The following ATP13A4 variants were observed in gnomAD, a reference collection of about 807,000 sequenced individuals.
ATP13A4 encodes probable cation-transporting ATPase 13A4.
In ATP13A4, 114 loss-of-function variants were observed where a neutral mutation model predicts 142.5. That is an observed-to-expected ratio of 0.80 (90% CI 0.69 to 0.93). The LOEUF is 0.93. Ranked by LOEUF, ATP13A4 falls within the 40% of genes least tolerant of loss-of-function variation. The probability of loss-of-function intolerance (pLI) is 0.00; values close to 1 mark genes in which losing one functional copy is unlikely to be tolerated. For synonymous variants in ATP13A4, 488 were observed against 514.8 expected, an observed-to-expected ratio of 0.95 and a Z score of 0.70; for missense variants, 1,392 against 1,454.0, an observed-to-expected ratio of 0.96 and a Z score of 0.69.
chr3:193,575,297 A>T (rs1724368098), intron 2 of ATP13A4, among the ~76,000 whole-genome samples: 1 of 152,224 alleles, frequency 6.6e-6, no homozygotes, highest in South Asian at 2.1e-4. Context: ...TTTAACTATC[A>T]TCATAGAAGT....
Position 193,406,331 on chromosome 3 carries a change from C to T in ATP13A4, c.3378+982G>A, listed in dbSNP as rs77772327. Reference sequence around the variant, plus strand: ...AGAGCTCATTGAGGTCCTGCCTACACAATACTGCAGGGAAGTCAGGCTGTA... The same window carrying T: ...AGAGCTCATTGAGGTCCTGCCTACATAATACTGCAGGGAAGTCAGGCTGTA... On this transcript the variant is annotated intron_variant, in intron 29 of 29. Transcript: ENST00000342695. 5.8e-3 allele frequency among the ~76,000 whole-genome samples: 886 copies of T among 152,280 alleles called. 14 individuals are homozygous for T. The highest frequency in any genetic ancestry group is 0.02 in the African/African-American group (850 of 41,564).
chr3:193,577,602 AC>A (rs1286938043), intron 2 of ATP13A4, among the ~76,000 whole-genome samples: 1 of 152,242 alleles, frequency 6.6e-6, no homozygotes, highest in Non-Finnish European at 1.5e-5. Context: ...TTGCATTTGT[AC>A]TACATTTTGC....
chr3:193,529,226 C>T (rs905925966), intron 1 of ATP13A4, among the ~76,000 whole-genome samples: 4 of 150,986 alleles, frequency 2.6e-5, no homozygotes, highest in Non-Finnish European at 4.4e-5. Context: ...GCTGAGATCG[C>T]GCCACTACAA....
chr3:193,478,802 A>G (rs1719120785), intron 8 of ATP13A4, among the ~76,000 whole-genome samples: 1 of 148,878 alleles, frequency 6.7e-6, no homozygotes, highest in African/African-American at 2.5e-5. Flanking sequence ...AAAACCAGGG[A>G]ACGACATAAC....
At chr3:193,557,922 G>T (rs933518385), upstream of ATP13A4, among the ~76,000 whole-genome samples, 4 of 152,216 alleles carry the variant, frequency 2.6e-5, no homozygotes, top group African/African-American at 9.6e-5. Flanking sequence ...ACATGGTCAT[G>T]TTCAGAGCAA....
intron 1 of ATP13A4, among the ~76,000 whole-genome samples, chr3:193,582,636 T>A (rs1325111490): frequency 1.1e-4 from 10 of 88,542 alleles, no homozygotes; most frequent in African/African-American, 5.2e-4. Context: ...ATTACATACA[T>A]TATATATGTA....
chr3:193,402,725 G>A lies in ATP13A4; in HGVS notation c.3518C>T (p.Ser1173Phe), dbSNP rs986978607. The A allele has an allele frequency of 9.1e-6, 14 of 1,534,702 alleles. No homozygotes were observed. The highest frequency in any genetic ancestry group is 1.2e-5 in the Non-Finnish European group (13 of 1,107,584). Residue 1173 changes from serine (S) to phenylalanine (F), a missense_variant, in exon 30 of 30, where the codon TCT becomes TTT. By Grantham distance (155) the Ser-to-Phe change is radical. Transcript: ENST00000342695. ...SWPPLNQTSHSDMPECGRGVS... is the reference protein window; with the variant it reads ...SWPPLNQTSHFDMPECGRGVS... ...TCCTCTGCCACACTCCGGCATGTCA[G>A]AGTGGGAGGTTTGGTTTAGCGGGGG... is the stretch of plus-strand genomic sequence containing the variant.
chr3:193,557,169 A>G (rs894819427), upstream of ATP13A4, among the ~76,000 whole-genome samples: 2 of 152,204 alleles, frequency 1.3e-5, no homozygotes, highest in Non-Finnish European at 2.9e-5. Flanking sequence ...TTTAAGCTAA[A>G]CTTGAACAGG....
intron 25 of ATP13A4, among the ~76,000 whole-genome samples, chr3:193,424,351 A>C (rs1336415856): frequency 6.7e-6 from 1 of 149,696 alleles, no homozygotes; most frequent in East Asian, 2.1e-4. Flanking sequence ...TATAGGGACC[A>C]CAAAAGACCT....
intron 18 of ATP13A4, among the ~76,000 whole-genome samples, chr3:193,443,667 C>T (rs1027419211): frequency 1.3e-5 from 2 of 152,088 alleles, no homozygotes; most frequent in Non-Finnish European, 2.9e-5. Context: ...CATAGATAGC[C>T]TAGATGTTGG....
At chr3:193,520,557 C>G (rs78754356) in intron 1 of ATP13A4, among the ~76,000 whole-genome samples, 4,508 of 152,184 alleles carry the variant, frequency 0.03, 218 homozygotes, top group African/African-American at 0.1. Flanking sequence ...AGAGCCAAAC[C>G]AAGGGCCTGC....
chr3:193,442,267 G>A, intron 19 of ATP13A4, 126 bp downstream of exon 19: 1 of 984,178 alleles, frequency 1.0e-6, no homozygotes, highest in East Asian at 2.6e-5. Flanking sequence ...CAATGTAACT[G>A]AGTTCGTTCA....
chr3:193,500,302 A>G (rs1720469965), intron 3 of ATP13A4, among the ~76,000 whole-genome samples: 3 of 152,114 alleles, frequency 2.0e-5, no homozygotes, highest in Admixed American at 2.0e-4. Context: ...CCTGTTTAAC[A>G]AGTTAAGCAC....
At chr3:193,442,344 A>T (rs899861589) in intron 19 of ATP13A4, 49 bp downstream of exon 19, 8 of 1,584,882 alleles carry the variant, frequency 5.0e-6, no homozygotes, top group Non-Finnish European at 6.9e-6. Flanking sequence ...AGTCACCAAC[A>T]CTGCAAGACA....
At chr3:193,586,116 C>T (rs199742336) in intron 1 of ATP13A4, among the ~76,000 whole-genome samples, 3 of 138,110 alleles carry the variant, frequency 2.2e-5, no homozygotes, top group East Asian at 4.3e-4. Context: ...CACACACACA[C>T]ATATACACAC....
At chr3:193,480,186 T>C (rs1021488425) in intron 8 of ATP13A4, among the ~76,000 whole-genome samples, 1 of 152,108 alleles carries the variant, frequency 6.6e-6, no homozygotes, top group Non-Finnish European at 1.5e-5. Flanking sequence ...GAAAAACTCT[T>C]CTAGACATTG....
chr3:193,514,617 A>C (rs947717695), intron 2 of ATP13A4, 81 bp downstream of exon 2: 1 of 1,559,296 alleles, frequency 6.4e-7, no homozygotes, highest in African/African-American at 1.4e-5. Flanking sequence ...TGTCTTGTGC[A>C]CATCTCCCCC....
intron 1 of ATP13A4, among the ~76,000 whole-genome samples, chr3:193,544,330 G>A (rs1305678807): frequency 6.6e-6 from 1 of 152,112 alleles, no homozygotes; most frequent in African/African-American, 2.4e-5. Context: ...TAGTGGAGAA[G>A]CAAGAAACTC....
chr3:193,578,333 A>G lies in ATP13A4; in HGVS notation n.291+3374T>C, dbSNP rs139549330. 5.6e-3 allele frequency among the ~76,000 whole-genome samples: 827 copies of G among 146,554 alleles called. 3 individuals are homozygous for G. Among genetic ancestry groups the G allele is most frequent in the Non-Finnish European group, 9.2e-3 (619 of 67,436 alleles). The stretch of plus-strand genomic sequence containing the variant: ...TATATCTATATCTATATCTATATCT[A>G]TATCTATATCTATCTATCTATCTAT... On this transcript the variant is annotated intron_variant and non_coding_transcript_variant, in intron 2 of 3. Transcript: ENST00000489140.
Sources: gnomAD v4.1 joint callset for allele counts (sites outside exome capture counted in the v4.1 genomes callset) on GRCh38, gnomAD v4.1.1 for gene constraint, MANE v1.5 for transcripts, NCBI Gene and HGNC (gene_info 2026-07-23, HGNC 2026-07-21) for gene names.